The following GUCA1B variants were observed in gnomAD, a reference collection of about 807,000 sequenced individuals.
GUCA1B encodes the protein guanylate cyclase activator 1B.
GUCA1B carries 22 observed loss-of-function variants against 24.2 expected under a neutral mutation model. The observed-to-expected ratio is 0.91, with a 90% CI of 0.65 to 1.30. The LOEUF is 1.30. Among genes scored for constraint, GUCA1B ranks in the 50% most tolerant of loss-of-function variants. The pLI, the probability that GUCA1B is intolerant of heterozygous loss-of-function variation, is 0.00. For missense variants in GUCA1B, 221 were observed against 258.8 expected, an observed-to-expected ratio of 0.85 and a Z score of 1.00; for synonymous variants, 100 against 97.9, an observed-to-expected ratio of 1.02 and a Z score of -0.13.
At position 42,184,792 on chromosome 6, in the gene GUCA1B, G is replaced by A; in HGVS notation, c.*23C>T. ...CCCTGGAAACCTGGGTGAGCCTGGA[G>A]TCGTGGAGGGGCCCCAGACTCCTCA... On this transcript the variant is annotated 3_prime_UTR_variant, in exon 4 of 4. Coordinates refer to ENST00000230361, the MANE Select transcript of GUCA1B (RefSeq NM_002098.6). 2 of 1,613,024 alleles carry A rather than the reference G, an allele frequency of 1.2e-6. No individual in the cohort carries two copies. Among genetic ancestry groups the A allele is most frequent in the Non-Finnish European group, 1.7e-6 (2 of 1,179,188 alleles).
At chr6:42,185,881 T>G in intron 2 of GUCA1B, 84 bp from the exon 3 acceptor site, 1 of 816,304 alleles carries the variant, frequency 1.2e-6, no homozygotes, top group Non-Finnish European at 2.2e-6. Context: ...CCAGCACCAC[T>G]TCCCCAGTGC....
At chr6:42,188,921 C>CTATCTATCTATATCTATATCA (rs59689646) in intron 1 of GUCA1B, among the ~76,000 whole-genome samples, 190 bp from the exon 2 acceptor site, 1 of 135,956 alleles carries the variant, frequency 7.4e-6, no homozygotes, top group African/African-American at 3.7e-5. Flanking sequence ...TCATCTCTCT[C>CTATCTATCTATATCTATATCA]TCTCTCTCTC....
Position 42,185,850 on chromosome 6 carries a change from C to T in GUCA1B, c.358-53G>A. ...CGGGAGACCCTGAAAGCTCCACCTTCACCCCAGTGACCCACATCCCCCAGC... is the reference window on the plus strand; with the variant it reads ...CGGGAGACCCTGAAAGCTCCACCTTTACCCCAGTGACCCACATCCCCCAGC... On this transcript the variant is annotated intron_variant, in intron 2 of 3. Transcript: ENST00000230361. 2.8e-6 allele frequency: 3 copies of T among 1,086,554 alleles called. No homozygotes were observed. In the South Asian group the frequency reaches 3.7e-5, roughly 13 times the overall value. The allele number at this position is 1,086,554 out of a possible 1,614,324, so 67.3% of individuals were successfully genotyped here.
intron 1 of GUCA1B, among the ~76,000 whole-genome samples, chr6:42,190,691 T>C (rs914080062): frequency 5.3e-5 from 8 of 152,144 alleles, no homozygotes; most frequent in Non-Finnish European, 1.0e-4. Context: ...GGCAGAGCTT[T>C]TCCAGGCATG....
Position 42,188,682 on chromosome 6 carries a change from A to G in GUCA1B, c.257T>C (p.Leu86Pro). The G allele has an allele frequency of 5.0e-6, 8 of 1,614,130 alleles. No homozygotes were observed. The highest frequency in any genetic ancestry group is 6.8e-6 in the Non-Finnish European group (8 of 1,179,992). The change falls in exon 2 of 4, where the codon CTG becomes CCG. Residue 86 changes from leucine (L) to proline (P), a missense_variant. Transcript: ENST00000230361. ...LEYVAALNLV[L>P]RGTLEHKLKW... ...CAGCTTGTGCTCCAGGGTGCCCCTC[A>G]GCACGAGATTCAGAGCTGCCACGTA...
chr6:42,184,594 CTG>C lies in GUCA1B; in HGVS notation c.*219_*220del, dbSNP rs779998898. 3.2e-5 allele frequency: 19 copies of C among 602,650 alleles called. No homozygotes were observed. Among genetic ancestry groups the C allele is most frequent in the South Asian group, 7.0e-5 (4 of 57,260 alleles). The allele number at this position is 602,650 out of a possible 1,614,324, so 37.3% of individuals were successfully genotyped here. ...AGGAGCGGCTGAACAGGAAAAGTAA[CTG>C]AATTCCCTTCACCATCCCAGGGACT... On this transcript the variant is annotated 3_prime_UTR_variant, in exon 4 of 4. Coordinates refer to ENST00000230361, the MANE Select transcript of GUCA1B (RefSeq NM_002098.6).
At chr6:42,187,270 A>G (rs1248908485) in intron 2 of GUCA1B, among the ~76,000 whole-genome samples, 1 of 151,900 alleles carries the variant, frequency 6.6e-6, no homozygotes, top group Non-Finnish European at 1.5e-5. Context: ...CCACCCGGCT[A>G]ATTTTTTGTA....
In GUCA1B at chr6:42,194,946, C is replaced by G; in HGVS notation, c.-126G>C. 1 of 740,450 alleles carries G rather than the reference C, an allele frequency of 1.4e-6. No individual in the cohort carries two copies. The highest frequency in any genetic ancestry group is 2.4e-6 in the Non-Finnish European group (1 of 421,290). The allele number at this position is 740,450 out of a possible 1,614,324, so 45.9% of individuals were successfully genotyped here. ...GGCCTGATCAGCCTCTCCATCATCTCCTGGGTGACTGAACATGATCAGTCG... is the reference window on the plus strand; with the variant it reads ...GGCCTGATCAGCCTCTCCATCATCTGCTGGGTGACTGAACATGATCAGTCG... On this transcript the variant is annotated 5_prime_UTR_variant, in exon 1 of 4. Coordinates refer to ENST00000230361, the MANE Select transcript of GUCA1B (RefSeq NM_002098.6).
At chr6:42,186,601 A>AAG (rs1554186977) in intron 2 of GUCA1B, among the ~76,000 whole-genome samples, 1 of 147,158 alleles carries the variant, frequency 6.8e-6, no homozygotes, top group Non-Finnish European at 1.5e-5. Flanking sequence ...TCAGAAAAAA[A>AAG]AAAGAAAGAA....
At chr6:42,190,974 A>C (rs899166007) in intron 1 of GUCA1B, among the ~76,000 whole-genome samples, 9 of 152,134 alleles carry the variant, frequency 5.9e-5, no homozygotes, top group Non-Finnish European at 1.2e-4. Flanking sequence ...ATCTCTAGAC[A>C]AGTGATCTCA....
At position 42,184,484 on chromosome 6, in the gene GUCA1B, C is replaced by G. The variant is rs557852892; in HGVS notation, c.*331G>C. 3 of 387,922 alleles carry G rather than the reference C, an allele frequency of 7.7e-6. No homozygotes were observed. Among genetic ancestry groups the G allele is most frequent in the African/African-American group, 6.2e-5 (3 of 48,296 alleles). 24.0% of individuals were successfully genotyped at this position (387,922 alleles called of 1,614,324 possible). ...TCTGATTTGGTCTGTGGGACCCTCA[C>G]CCCTCAGTTGGCTCTTGCTTCCAAC... On this transcript the variant is annotated 3_prime_UTR_variant, in exon 4 of 4. Transcript: ENST00000230361.
intron 1 of GUCA1B, among the ~76,000 whole-genome samples, chr6:42,192,576 G>C (rs1768329971): frequency 6.6e-6 from 1 of 151,948 alleles, no homozygotes; most frequent in Admixed American, 6.6e-5. Context: ...GCCAGGCATG[G>C]GAGTGTGCAC....
At chr6:42,186,198 A>G (rs1004615733) in intron 2 of GUCA1B, among the ~76,000 whole-genome samples, 4 of 152,254 alleles carry the variant, frequency 2.6e-5, no homozygotes, top group Non-Finnish European at 5.9e-5. Flanking sequence ...TGTGTAAAAC[A>G]GAATGATGGG....
At chr6:42,185,868 C>G (rs1164611043) in intron 2 of GUCA1B, 71 bp from the exon 3 acceptor site, 38 of 889,714 alleles carry the variant, frequency 4.3e-5, no homozygotes, top group Non-Finnish European at 6.1e-5. Flanking sequence ...TGACCCACAT[C>G]CCCCAGCACC....
chr6:42,189,225 A>G (rs1337677846), intron 1 of GUCA1B, among the ~76,000 whole-genome samples: 1 of 152,060 alleles, frequency 6.6e-6, no homozygotes, highest in Admixed American at 6.6e-5. Context: ...TCATTCTAAC[A>G]TCCACAGCCT....
At position 42,184,727 on chromosome 6, in the gene GUCA1B, G is replaced by C. The variant is rs748066044; in HGVS notation, c.*88C>G. ...TGCCAGGAAGTCAACACCAGGGGAA[G>C]AGTGGGCATGAGCAGGCTGAGCCAG... is the stretch of plus-strand genomic sequence containing the variant. On this transcript the variant is annotated 3_prime_UTR_variant, in exon 4 of 4. Transcript: ENST00000230361. 5 of 1,292,112 alleles carry C rather than the reference G, an allele frequency of 3.9e-6. No homozygotes were observed. The highest frequency in any genetic ancestry group is 5.6e-6 in the Non-Finnish European group (5 of 891,868). The allele number at this position is 1,292,112 out of a possible 1,614,324, so 80.0% of individuals were successfully genotyped here.
intron 1 of GUCA1B, among the ~76,000 whole-genome samples, chr6:42,190,420 T>C (rs1259462478): frequency 2.1e-5 from 3 of 143,912 alleles, no homozygotes; most frequent in Admixed American, 2.0e-4. Context: ...TTGAATATAT[T>C]TCTAATATTT....
In GUCA1B at chr6:42,184,308, G is replaced by A. The variant is rs546491968; in HGVS notation, c.*507C>T. The A allele has an allele frequency of 9.8e-6, 2 of 203,728 alleles. No homozygotes were observed. The highest frequency in any genetic ancestry group is 1.0e-5 in the Non-Finnish European group (1 of 98,300). The allele number at this position is 203,728 out of a possible 1,614,324, so 12.6% of individuals were successfully genotyped here. On this transcript the variant is annotated 3_prime_UTR_variant, in exon 4 of 4. Coordinates refer to ENST00000230361, the MANE Select transcript of GUCA1B (RefSeq NM_002098.6). ...GTTTCACCCCGTGTTAGCCAGGATG[G>A]TCTCGATCTCCTGACCTCGTGATCT... is the stretch of plus-strand genomic sequence containing the variant.
intron 2 of GUCA1B, among the ~76,000 whole-genome samples, chr6:42,187,102 ATTTAT>A (rs146128827): frequency 0.26 from 38,847 of 151,298 alleles, 5,513 homozygotes; most frequent in African/African-American, 0.39. Context: ...CTATCTTTCG[ATTTAT>A]TTTATTTTAT....
Sources: gnomAD v4.1 joint callset for allele counts (sites outside exome capture counted in the v4.1 genomes callset) on GRCh38, gnomAD v4.1.1 for gene constraint, MANE v1.5 for transcripts, NCBI Gene and HGNC (gene_info 2026-07-23, HGNC 2026-07-21) for gene names.